Variants in RPH3AL observed in about 807,000 individuals in gnomAD.
RPH3AL encodes the protein rab effector Noc2.
A neutral mutation model predicts 43.1 loss-of-function variants in RPH3AL; 38 were observed. The ratio of observed to expected loss-of-function variants is 0.88; its 90% CI spans 0.68 to 1.15. RPH3AL has a LOEUF of 1.15. Ranked by LOEUF, RPH3AL falls within the 50% of genes most tolerant of loss-of-function variation. RPH3AL has a pLI of 0.00. For synonymous variants in RPH3AL, 189 were observed against 176.3 expected, an observed-to-expected ratio of 1.07 and a Z score of -0.57; for missense variants, 462 against 423.2, an observed-to-expected ratio of 1.09 and a Z score of -0.81.
intron 7 of RPH3AL, among the ~76,000 whole-genome samples, chr17:230,895 A>C (rs1337585447): frequency 6.6e-6 from 1 of 152,016 alleles, no homozygotes; most frequent in Non-Finnish European, 1.5e-5. Context: ...TATGTTGTCC[A>C]GGTTGGTCTC....
chr17:296,593 C>T lies in RPH3AL; in HGVS notation c.352-14739G>A, dbSNP rs189876798. 1.5e-3 allele frequency among the ~76,000 whole-genome samples: 233 copies of T among 152,274 alleles called. 2 individuals are homozygous for T. Among genetic ancestry groups the T allele is most frequent in the African/African-American group, 5.3e-3 (220 of 41,552 alleles). On this transcript the variant is annotated intron_variant, in intron 5 of 9. Coordinates refer to ENST00000331302, the MANE Select transcript of RPH3AL (RefSeq NM_006987.4). ...GTCAAGCCCAGAGGCCAGGCGAGTCCCTCACGAGCTCGTTTCCGCCGATGG... is the reference window on the plus strand; with the variant it reads ...GTCAAGCCCAGAGGCCAGGCGAGTCTCTCACGAGCTCGTTTCCGCCGATGG...
intron 1 of RPH3AL, among the ~76,000 whole-genome samples, chr17:345,196 C>A (rs1184017359): frequency 3.0e-5 from 4 of 135,214 alleles, no homozygotes; most frequent in Non-Finnish European, 6.8e-5. Context: ...GGAGGGTCAC[C>A]TGAGCCTGGG....
intron 6 of RPH3AL, among the ~76,000 whole-genome samples, chr17:253,580 C>G (rs564469252): frequency 3.9e-5 from 6 of 152,260 alleles, no homozygotes; most frequent in African/African-American, 1.4e-4. Flanking sequence ...AACCCATCTC[C>G]AGAACTTGCC....
rs114802003 is a variant in RPH3AL, at chr17:350,906, G to C, written c.-213+1806C>G. On this transcript the variant is annotated intron_variant, in intron 1 of 9. Transcript: ENST00000331302. ...CTGGCCCAGAGAGGAGCTTCCTTCAGCTGGCCGCACCCACTTCCCCGACAA... is the reference window on the plus strand; with the variant it reads ...CTGGCCCAGAGAGGAGCTTCCTTCACCTGGCCGCACCCACTTCCCCGACAA... 0.014 allele frequency among the ~76,000 whole-genome samples: 2,076 copies of C among 152,240 alleles called. 99 individuals carry two copies. In the East Asian group the frequency reaches 0.14, roughly 10 times the overall value.
At chr17:240,452 C>T (rs1158374233) in intron 7 of RPH3AL, among the ~76,000 whole-genome samples, 4 of 152,164 alleles carry the variant, frequency 2.6e-5, no homozygotes, top group East Asian at 3.9e-4. Context: ...CCCCATTCCC[C>T]TCCCCATCCT....
chr17:292,611 C>T (rs1458604795), intron 5 of RPH3AL, among the ~76,000 whole-genome samples: 1 of 152,164 alleles, frequency 6.6e-6, no homozygotes, highest in Non-Finnish European at 1.5e-5. Flanking sequence ...CCTGCTGCCC[C>T]AGCCGGGCCT....
intron 7 of RPH3AL, among the ~76,000 whole-genome samples, chr17:231,207 C>A (rs1457351984): frequency 6.6e-6 from 1 of 152,222 alleles, no homozygotes; most frequent in African/African-American, 2.4e-5. Context: ...ATCCTCAGGG[C>A]ACTGCTTTCT....
At chr17:304,748 A>G (rs1344957561) in intron 5 of RPH3AL, among the ~76,000 whole-genome samples, 2 of 151,636 alleles carry the variant, frequency 1.3e-5, no homozygotes, top group African/African-American at 2.4e-5. Flanking sequence ...GCCACGTGAC[A>G]CTCTTCTTCT....
chr17:331,462 C>A (rs2044761228), intron 2 of RPH3AL: 3 of 847,254 alleles, frequency 3.5e-6, no homozygotes, highest in Non-Finnish European at 4.8e-6. Context: ...AATTCAGGCC[C>A]CGGCTCTGGG....
rs377345891 is a variant in RPH3AL at position 289,900 on chromosome 17, C to A, written c.352-8046G>T. Among the ~76,000 whole-genome samples the A allele has an allele frequency of 2.6e-5, 4 of 152,348 alleles. No individual in the cohort carries two copies. The East Asian group carries it at 7.7e-4, about 29-fold the overall frequency. On this transcript the variant is annotated intron_variant, in intron 5 of 9. Coordinates refer to ENST00000331302, the MANE Select transcript of RPH3AL (RefSeq NM_006987.4). The surrounding 1 kb of genome is among the most constrained non-coding windows in gnomAD (Gnocchi z 5.2). ...GAGAGCCTCCAGAATGGGCTCCTGC[C>A]TCTTCTCCGCTGTCAAGGTTGTGAT...
intron 1 of RPH3AL, among the ~76,000 whole-genome samples, chr17:334,908 G>C (rs1049684266): frequency 3.9e-5 from 6 of 152,010 alleles, no homozygotes; most frequent in African/African-American, 1.5e-4. Flanking sequence ...AACCACCCCA[G>C]CAAGTGCGGC....
intron 5 of RPH3AL, among the ~76,000 whole-genome samples, chr17:314,437 C>G (rs989494042): frequency 2.0e-5 from 2 of 101,108 alleles, no homozygotes; most frequent in African/African-American, 5.4e-5. Context: ...AGTCCCTCTG[C>G]CCCCACCTCC....
chr17:240,788 G>A (rs914096880), intron 7 of RPH3AL, among the ~76,000 whole-genome samples: 26 of 152,288 alleles, frequency 1.7e-4, no homozygotes, highest in Middle Eastern at 3.4e-3. Context: ...GGCCGGGCAC[G>A]GTGGCTCATG....
At chr17:231,405 C>T (rs1055115905) in intron 7 of RPH3AL, among the ~76,000 whole-genome samples, 1 of 152,232 alleles carries the variant, frequency 6.6e-6, no homozygotes, top group Non-Finnish European at 1.5e-5. Flanking sequence ...GGCCAGGGCC[C>T]TGCTGCCCAC....
intron 5 of RPH3AL, among the ~76,000 whole-genome samples, chr17:299,592 C>T (rs2043270571): frequency 6.6e-6 from 1 of 152,222 alleles, no homozygotes. Context: ...GGTCCGTGAA[C>T]AGCAAACAGC....
Position 334,843 on chromosome 17 carries a change from G to A in RPH3AL, c.-212-909C>T, listed in dbSNP as rs535283693. 7.8e-3 allele frequency among the ~76,000 whole-genome samples: 847 copies of A among 107,906 alleles called. 8 individuals carry two copies. The highest frequency in any genetic ancestry group is 0.025 in the African/African-American group (774 of 30,686). 70.8% of individuals were successfully genotyped at this position (107,906 alleles called of 152,430 possible). A position where few individuals can be genotyped will look rare whatever the true frequency, so the allele number is the denominator to read the frequency against. The stretch of plus-strand genomic sequence containing the variant: ...AGCAAGTGCGGCTCCTTCTCCCCAC[G>A]CCTTCCCCCAGGGCCAGCCCATCCA... On this transcript the variant is annotated intron_variant, in intron 1 of 9. Coordinates refer to ENST00000331302, the MANE Select transcript of RPH3AL (RefSeq NM_006987.4).
At chr17:327,644 T>G (rs2044650161) in intron 2 of RPH3AL, 65 bp from the exon 3 acceptor site, 1 of 1,021,382 alleles carries the variant, frequency 9.8e-7, no homozygotes, top group South Asian at 1.4e-5. Flanking sequence ...GGCAGACAGG[T>G]TCTCTGTGCC....
intron 5 of RPH3AL, among the ~76,000 whole-genome samples, chr17:312,251 T>C (rs1377786726): frequency 6.6e-6 from 1 of 152,000 alleles, no homozygotes; most frequent in Non-Finnish European, 1.5e-5. Flanking sequence ...CAGTGAACAA[T>C]GATCATGCCA....
chr17:273,940 T>C (rs9891976), intron 6 of RPH3AL, among the ~76,000 whole-genome samples: 76,900 of 151,956 alleles, frequency 0.51, 19,634 homozygotes, highest in African/African-American at 0.55. Context: ...TCAGATAACA[T>C]CTGTGTCCTC....
Sources: gnomAD v4.1 joint callset for allele counts (sites outside exome capture counted in the v4.1 genomes callset) on GRCh38, gnomAD v4.1.1 for gene constraint, Gnocchi (gnomAD v3.1) non-coding constraint, MANE v1.5 for transcripts, NCBI Gene and HGNC (gene_info 2026-07-23, HGNC 2026-07-21) for gene names.